SLC12A5: variants seen among roughly 807,000 people sequenced by gnomAD.
The protein encoded by SLC12A5 is solute carrier family 12 member 5.
SLC12A5 carries 18 observed loss-of-function variants against 124.0 expected under a neutral mutation model. That is an observed-to-expected ratio of 0.15 (90% CI 0.10 to 0.22). The LOEUF is 0.22. SLC12A5 is among the 10% of genes least tolerant of loss of function. SLC12A5 has a pLI of 1.00. For missense variants in SLC12A5, 867 were observed against 1,478.7 expected, an observed-to-expected ratio of 0.59 and a Z score of 6.78; for synonymous variants, 589 against 568.0, an observed-to-expected ratio of 1.04 and a Z score of -0.53.
chr20:46,043,106 G>T, intron 8 of SLC12A5, 47 bp from the exon 9 acceptor site: 1 of 1,592,078 alleles, frequency 6.3e-7, no homozygotes, highest in Non-Finnish European at 8.6e-7. Flanking sequence ...CCAGAGCTCT[G>T]GTCCCCTTAT....
In SLC12A5 at chr20:46,059,672, G is replaced by T. The variant is rs1175707989; in HGVS notation, c.*2067G>T. On this transcript the variant is annotated 3_prime_UTR_variant, in exon 26 of 26. Coordinates refer to ENST00000243964, the MANE Select transcript of SLC12A5 (RefSeq NM_020708.5). Reference sequence around the variant, plus strand: ...CACAACAAAAACCCAAGTTTTCTGTGCTACATGTGCAATATTTGTTATGAA... The same window carrying T: ...CACAACAAAAACCCAAGTTTTCTGTTCTACATGTGCAATATTTGTTATGAA... 6.8e-5 allele frequency: 27 copies of T among 398,950 alleles called. No individual in the cohort carries two copies. Among genetic ancestry groups the T allele is most frequent in the Non-Finnish European group, 1.1e-4 (25 of 226,064 alleles). The allele number at this position is 398,950 out of a possible 1,614,324, so 24.7% of individuals were successfully genotyped here.
rs1417530768 is a variant in SLC12A5 at position 46,036,702 on chromosome 20, C to T, written c.427-39C>T. The T allele has an allele frequency of 3.7e-6, 6 of 1,612,782 alleles. No individual in the cohort carries two copies. In the South Asian group the frequency reaches 5.5e-5, roughly 15 times the overall value. ...GCCCCCACCCAGGCCACTGCGGCCCCTACCCCAGCCACCGCTCTGATGATC... is the reference window on the plus strand; with the variant it reads ...GCCCCCACCCAGGCCACTGCGGCCCTTACCCCAGCCACCGCTCTGATGATC... On this transcript the variant is annotated intron_variant, in intron 4 of 25. Coordinates refer to ENST00000243964, the MANE Select transcript of SLC12A5 (RefSeq NM_020708.5).
chr20:46,031,805 A>G (rs1326948456), intron 1 of SLC12A5, among the ~76,000 whole-genome samples: 1 of 152,164 alleles, frequency 6.6e-6, no homozygotes, highest in Non-Finnish European at 1.5e-5. Flanking sequence ...GGGAGGGCTC[A>G]GCCTCAGTCT....
rs2084589696 is a variant in SLC12A5, at chr20:46,045,783, G to A, written c.1570-95G>A. ...TCTCCCTTCCTCCTCTTTGGTGATA[G>A]GATTCCTGCCTCTACTCCACTGGTT... On this transcript the variant is annotated intron_variant, in intron 12 of 25. Transcript: ENST00000243964. The surrounding 1 kb of genome is among the most constrained non-coding windows in gnomAD (Gnocchi z 4.9). 1.1e-6 allele frequency: 1 copy of A among 924,980 alleles called. No homozygotes were observed. Among genetic ancestry groups the A allele is most frequent in the Non-Finnish European group, 1.7e-6 (1 of 588,794 alleles). The allele number at this position is 924,980 out of a possible 1,614,324, so 57.3% of individuals were successfully genotyped here.
intron 1 of SLC12A5, among the ~76,000 whole-genome samples, chr20:46,032,329 G>A (rs999919267): frequency 7.2e-5 from 11 of 152,218 alleles, no homozygotes; most frequent in African/African-American, 2.7e-4. Flanking sequence ...GGGTGTGAAA[G>A]GCAGAGGGGA....
intron 1 of SLC12A5, among the ~76,000 whole-genome samples, chr20:46,029,893 CGCGCGTGCGTATGTGTGTGTGTGCGT>C (rs2084432353): frequency 1.3e-5 from 1 of 76,858 alleles, no homozygotes. Flanking sequence ...TGTGTGTGCG[CGCGCGTGCGTATGTGTGTGTGTGCGT>C]GTGTGTGTGT....
intron 6 of SLC12A5, 62 bp from the exon 7 acceptor site, chr20:46,040,311 G>T (rs545810418): frequency 6.3e-7 from 1 of 1,592,776 alleles, no homozygotes; most frequent in East Asian, 2.2e-5. Flanking sequence ...TTCCTAAAGC[G>T]CTGCATGTAG....
At chr20:46,055,630 G>A (rs546503496) in intron 21 of SLC12A5, among the ~76,000 whole-genome samples, 45 of 152,238 alleles carry the variant, frequency 3.0e-4, no homozygotes, top group Admixed American at 1.2e-3. Context: ...AAGGGCTCCT[G>A]GAGGTGGGTG....
At chr20:46,033,733 G>C (rs1457767819) in intron 1 of SLC12A5, among the ~76,000 whole-genome samples, 1 of 152,070 alleles carries the variant, frequency 6.6e-6, no homozygotes, top group African/African-American at 2.4e-5. Context: ...ATTCACCCAT[G>C]CTAGAAACCG....
intron 20 of SLC12A5, 35 bp from the exon 21 acceptor site, chr20:46,054,881 C>A (rs766289968): frequency 6.5e-7 from 1 of 1,528,236 alleles, no homozygotes; most frequent in South Asian, 1.1e-5. Flanking sequence ...TGTTCCTCTC[C>A]CCACCCCCCA....
At chr20:46,022,854 G>C in intron 1 of SLC12A5, 1 of 399,462 alleles carries the variant, frequency 2.5e-6, no homozygotes, top group Non-Finnish European at 4.4e-6. Context: ...CTCCCCTCAG[G>C]GGGCACTCAT....
At chr20:46,044,827 G>A in intron 11 of SLC12A5, 139 bp from the exon 12 acceptor site, 2 of 875,374 alleles carry the variant, frequency 2.3e-6, no homozygotes, top group Non-Finnish European at 3.6e-6. Context: ...GGAACATTTG[G>A]GGCTCTGCCT....
In SLC12A5 at chr20:46,051,875, C is replaced by A. The variant is rs903951175; in HGVS notation, c.2377+5C>A. ...AGACGTGGAGGAACTTCATTGGTAA[C>A]GCTATTGGGGGCTGGGGACAGAAGA... On this transcript the variant is annotated splice_donor_5th_base_variant and intron_variant, in intron 18 of 25. Transcript: ENST00000243964. The A allele has an allele frequency of 7.5e-7, 1 of 1,328,874 alleles. No homozygotes were observed. Among genetic ancestry groups the A allele is most frequent in the South Asian group, 1.3e-5 (1 of 79,224 alleles). The allele number at this position is 1,328,874 out of a possible 1,614,324, so 82.3% of individuals were successfully genotyped here. A position where few individuals can be genotyped will look rare whatever the true frequency, so the allele number is the denominator to read the frequency against.
chr20:46,039,188 T>C (rs905767654), intron 6 of SLC12A5, among the ~76,000 whole-genome samples: 2 of 152,204 alleles, frequency 1.3e-5, no homozygotes, highest in Non-Finnish European at 2.9e-5. Context: ...GTATATATTA[T>C]TTGCAGTGAA....
chr20:46,057,247 A>G lies in SLC12A5; in HGVS notation c.3203A>G (p.Lys1068Arg). The change falls in exon 25 of 26, where the codon AAG becomes AGG. Residue 1068 changes from lysine (K) to arginine (R), a missense_variant. Around this residue, in one of 9 missense-constraint regions of SLC12A5, gnomAD observed 180 missense variants for 243.6 expected, o/e 0.74. Transcript: ENST00000243964. The surrounding 1 kb of genome is among the most constrained non-coding windows in gnomAD (Gnocchi z 7.1). ...ATCGTGAAGAAATCCCGGGACGCCA[A>G]GCTTGTTTTGCTCAACATGCCTGGG... is the stretch of plus-strand genomic sequence containing the variant. ...EVIVKKSRDA[K>R]LVLLNMPGPP... 2 of 1,614,226 alleles carry G rather than the reference A, an allele frequency of 1.2e-6. No individual in the cohort carries two copies. The highest frequency in any genetic ancestry group is 1.7e-6 in the Non-Finnish European group (2 of 1,180,034).
chr20:46,054,072 T>A (rs2084669516), intron 20 of SLC12A5, among the ~76,000 whole-genome samples: 1 of 152,198 alleles, frequency 6.6e-6, no homozygotes, highest in Non-Finnish European at 1.5e-5. Flanking sequence ...AGAAATGTGT[T>A]GTGAGGTGAT....
In SLC12A5 at chr20:46,056,788, C is replaced by A; in HGVS notation, c.3111-109C>A. ...GAAAGGTGAAGGGTGTGGGGGCTGGCAGAGCAGGACTCAGGGCAGATGACC... is the reference window on the plus strand; with the variant it reads ...GAAAGGTGAAGGGTGTGGGGGCTGGAAGAGCAGGACTCAGGGCAGATGACC... On this transcript the variant is annotated intron_variant, in intron 23 of 25. Transcript: ENST00000243964. This position sits in a 1 kb window ranked among gnomAD's most constrained non-coding sequence, Gnocchi z 4.3. 1.5e-6 allele frequency: 2 copies of A among 1,294,762 alleles called. No individual in the cohort carries two copies. The highest frequency in any genetic ancestry group is 2.2e-6 in the Non-Finnish European group (2 of 896,408). 80.2% of individuals were successfully genotyped at this position (1,294,762 alleles called of 1,614,324 possible). A position where few individuals can be genotyped will look rare whatever the true frequency, so the allele number is the denominator to read the frequency against.
At chr20:46,035,581 G>A (rs368235760) in intron 3 of SLC12A5, 46 bp downstream of exon 3, 3 of 1,573,992 alleles carry the variant, frequency 1.9e-6, no homozygotes, top group Non-Finnish European at 2.6e-6. Flanking sequence ...GGACGGATGG[G>A]GGGTGGGGGA....
At chr20:46,033,661 C>T (rs775847186) in intron 1 of SLC12A5, among the ~76,000 whole-genome samples, 3 of 152,128 alleles carry the variant, frequency 2.0e-5, no homozygotes, top group Non-Finnish European at 4.4e-5. Context: ...CAGCATCTTC[C>T]CCACCTCCAA....
Sources: allele counts gnomAD v4.1 joint callset (sites outside exome capture counted in the v4.1 genomes callset), GRCh38; gene constraint gnomAD v4.1.1; regional missense constraint gnomAD v4.1.1; non-coding constraint Gnocchi (gnomAD v3.1); transcripts MANE v1.5; gene names NCBI Gene and HGNC (gene_info 2026-07-23, HGNC 2026-07-21).